CDH18: variants seen among roughly 807,000 people sequenced by gnomAD.
The protein encoded by CDH18 is cadherin-18.
In CDH18, 31 loss-of-function variants were observed where a neutral mutation model predicts 67.9. That is an observed-to-expected ratio of 0.46 (90% CI 0.34 to 0.62). CDH18 has a LOEUF of 0.62. Among genes scored for constraint, CDH18 ranks in the 20% least tolerant of loss-of-function variants. The pLI, the probability that CDH18 is intolerant of heterozygous loss-of-function variation, is 0.01. For synonymous variants in CDH18, 362 were observed against 347.2 expected, an observed-to-expected ratio of 1.04 and a Z score of -0.48; for missense variants, 890 against 975.5, an observed-to-expected ratio of 0.91 and a Z score of 1.17.
At chr5:19,589,565 G>T (rs1195449944) in intron 7 of CDH18, among the ~76,000 whole-genome samples, 2 of 152,088 alleles carry the variant, frequency 1.3e-5, no homozygotes, top group Non-Finnish European at 2.9e-5. Context: ...AGAAAAAAAT[G>T]CTAGATGTTG....
At chr5:19,479,492 C>A (rs933985038) in intron 12 of CDH18, among the ~76,000 whole-genome samples, 3 of 152,086 alleles carry the variant, frequency 2.0e-5, no homozygotes, top group Admixed American at 1.3e-4. Context: ...AAAAACGAAT[C>A]AATGCCATGA....
At position 20,443,830 on chromosome 5, in the gene CDH18, C is replaced by T. The variant is rs930550794; in HGVS notation, c.-580+131632G>A. Among the ~76,000 whole-genome samples the T allele has an allele frequency of 1.3e-4, 20 of 151,832 alleles. 2 individuals carry two copies. Among genetic ancestry groups the T allele is most frequent in the African/African-American group, 4.9e-4 (20 of 41,160 alleles). ...AGCAAAGGGTAGAAATTAATTATCT[C>T]TATCATTCTCAATATACCTACATGA... On this transcript the variant is annotated intron_variant, in intron 1 of 14. Transcript: ENST00000507958.
chr5:20,028,101 C>A, intron 2 of CDH18, among the ~76,000 whole-genome samples: 1 of 150,466 alleles, frequency 6.6e-6, no homozygotes, highest in Non-Finnish European at 1.5e-5. Context: ...AAACAACTTT[C>A]TATTTTTTTT....
rs145752385 is a variant in CDH18 at position 20,459,761 on chromosome 5, T to C, written c.-580+115701A>G. ...TGCAGCCCTGCTCTTTTCCATTTCA[T>C]GGTGATTGGTGGGAAAAGCATAGAG... On this transcript the variant is annotated intron_variant, in intron 1 of 14. Transcript: ENST00000507958. 5.7e-3 allele frequency among the ~76,000 whole-genome samples: 868 copies of C among 152,268 alleles called. 4 individuals are homozygous for C. Among genetic ancestry groups the C allele is most frequent in the Non-Finnish European group, 8.0e-3 (547 of 68,012 alleles).
intron 2 of CDH18, among the ~76,000 whole-genome samples, chr5:19,882,707 A>T (rs1332218113): frequency 1.3e-5 from 2 of 152,170 alleles, no homozygotes; most frequent in African/African-American, 4.8e-5. Context: ...AAACCTTAGA[A>T]AGAAGTCTCA....
intron 1 of CDH18, among the ~76,000 whole-genome samples, chr5:20,539,215 A>T (rs1038032712): frequency 6.6e-5 from 10 of 152,062 alleles, no homozygotes; most frequent in African/African-American, 2.4e-4. Flanking sequence ...TCAGTGTCCT[A>T]TGTCACAGGG....
chr5:19,574,626 T>C (rs1350219484), intron 7 of CDH18, among the ~76,000 whole-genome samples: 1 of 152,092 alleles, frequency 6.6e-6, no homozygotes, highest in Non-Finnish European at 1.5e-5. Context: ...ATAGTATTAG[T>C]ATTATAGTGA....
chr5:19,666,489 A>C (rs896670934), intron 5 of CDH18, among the ~76,000 whole-genome samples: 1 of 151,958 alleles, frequency 6.6e-6, no homozygotes, highest in Non-Finnish European at 1.5e-5. Context: ...ATCCTGGGGG[A>C]ATAGATAAAA....
intron 2 of CDH18, among the ~76,000 whole-genome samples, chr5:20,004,622 G>T (rs1195622501): frequency 6.6e-6 from 1 of 152,152 alleles, no homozygotes; most frequent in African/African-American, 2.4e-5. Flanking sequence ...CTTTGGAAAT[G>T]AATAAATAAA....
At chr5:20,043,774 A>G (rs944455987) in intron 2 of CDH18, among the ~76,000 whole-genome samples, 2 of 152,218 alleles carry the variant, frequency 1.3e-5, no homozygotes, top group African/African-American at 4.8e-5. Flanking sequence ...AAGAGATAAA[A>G]TGGAAAGGCA....
In CDH18 at chr5:19,695,833, T is replaced by A. The variant is rs529698729; in HGVS notation, c.643+25514A>T. Among the ~76,000 whole-genome samples, 14 of 152,300 alleles carry A rather than the reference T, an allele frequency of 9.2e-5. 1 individual carries two copies. In the South Asian group the frequency reaches 2.9e-3, roughly 32 times the overall value. The stretch of plus-strand genomic sequence containing the variant: ...AGAGTGATTAACTTCAGGAGCGAGT[T>A]CATCATCAGTATCAGCAATCAAAAC... On this transcript the variant is annotated intron_variant, in intron 5 of 12. Transcript: ENST00000382275.
At chr5:19,926,321 T>C (rs1048470738) in intron 2 of CDH18, among the ~76,000 whole-genome samples, 1 of 152,186 alleles carries the variant, frequency 6.6e-6, no homozygotes, top group East Asian at 1.9e-4. Flanking sequence ...CAAATATGTT[T>C]TATAACAACT....
intron 11 of CDH18, among the ~76,000 whole-genome samples, chr5:19,489,205 G>A (rs1033569991): frequency 2.0e-5 from 3 of 150,820 alleles, no homozygotes; most frequent in African/African-American, 4.9e-5. Flanking sequence ...TATAATCTCC[G>A]AGGAGATTAG....
At chr5:19,711,286 C>A (rs1004635165) in intron 5 of CDH18, among the ~76,000 whole-genome samples, 1 of 151,858 alleles carries the variant, frequency 6.6e-6, no homozygotes. Context: ...GCAAATGCAA[C>A]AAATCAACCA....
intron 2 of CDH18, among the ~76,000 whole-genome samples, chr5:20,179,981 T>C (rs1418763941): frequency 6.6e-6 from 1 of 152,108 alleles, no homozygotes; most frequent in East Asian, 1.9e-4. Flanking sequence ...CCCCTGAAAC[T>C]ATTGCTATGG....
chr5:20,289,367 A>T (rs940541160), intron 1 of CDH18, among the ~76,000 whole-genome samples: 2 of 152,068 alleles, frequency 1.3e-5, no homozygotes, highest in African/African-American at 4.8e-5. Flanking sequence ...CCTGACCTAG[A>T]AAAGTTTAGC....
In CDH18 at chr5:20,414,752, A is replaced by T. The variant is rs1026997186; in HGVS notation, c.-579-159247T>A. On this transcript the variant is annotated intron_variant, in intron 1 of 14. Coordinates refer to the CDH18 transcript ENST00000507958. ...ATCACTAATCATGAGTGAAATACAA[A>T]TCAAAACCATAATGAGATATCGTTT... is the stretch of plus-strand genomic sequence containing the variant. Among the ~76,000 whole-genome samples, 7 of 152,346 alleles carry T rather than the reference A, an allele frequency of 4.6e-5. No homozygotes were observed. The South Asian group carries it at 6.2e-4, about 14-fold the overall frequency.
At chr5:20,493,356 TAAAAAAAA>T (rs148292031) in intron 1 of CDH18, among the ~76,000 whole-genome samples, 7 of 47,208 alleles carry the variant, frequency 1.5e-4, no homozygotes, top group Admixed American at 8.3e-4. Flanking sequence ...TTCAGAAAAT[TAAAAAAAA>T]AAAAAAAAAA....
chr5:20,408,031 A>AT (rs1746442715), intron 1 of CDH18, among the ~76,000 whole-genome samples: 1 of 152,104 alleles, frequency 6.6e-6, no homozygotes, highest in Non-Finnish European at 1.5e-5. Flanking sequence ...AGAGACTTAT[A>AT]ACATACAAGG....
Sources: allele counts gnomAD v4.1 joint callset (sites outside exome capture counted in the v4.1 genomes callset), GRCh38; gene constraint gnomAD v4.1.1; transcripts MANE v1.5; gene names NCBI Gene and HGNC (gene_info 2026-07-23, HGNC 2026-07-21).